MAP3K1: variants seen among roughly 807,000 people sequenced by gnomAD.
MAP3K1 encodes the protein mitogen-activated protein kinase kinase kinase 1, also known as MAP/ERK kinase kinase 1.
Under a neutral mutation model 144.2 loss-of-function variants are expected in MAP3K1, and 36 were observed. That is an observed-to-expected ratio of 0.25 (90% confidence interval 0.19 to 0.33). The LOEUF is 0.33. MAP3K1 is among the 10% of genes least tolerant of loss of function. MAP3K1 has a pLI of 1.00. For synonymous variants in MAP3K1, 718 were observed against 688.7 expected (o/e 1.04, Z -0.67); for missense variants, 1,650 against 1,881.9 (o/e 0.88, Z 2.28).
Position 56,893,854 on chromosome 5 carries a change from C to A in MAP3K1, c.*174C>A. 2.8e-6 allele frequency: 2 copies of A among 704,730 alleles called. No homozygotes were observed. The highest frequency in any genetic ancestry group is 1.7e-5 in the South Asian group (1 of 59,936). The allele number at this position is 704,730 out of a possible 1,614,324, so 43.7% of individuals were successfully genotyped here. The stretch of plus-strand genomic sequence containing the variant: ...TGACAAATCATGATCTGTACCTAAG[C>A]TCAGTATGCAAAAGCCCAAACTAGT... On this transcript the variant is annotated 3_prime_UTR_variant, in exon 20 of 20. Transcript: ENST00000399503.
chr5:56,887,547 CAG>C (rs946768950), intron 18 of MAP3K1, 27 bp downstream of exon 18: 1 of 1,613,514 alleles, frequency 6.2e-7, no homozygotes, highest in Non-Finnish European at 8.5e-7. Flanking sequence ...AGTGTGATGA[CAG>C]AAAATATTTT....
chr5:56,826,156 A>G (rs1746307553), intron 1 of MAP3K1, among the ~76,000 whole-genome samples: 1 of 151,746 alleles, frequency 6.6e-6, no homozygotes, highest in Admixed American at 6.6e-5. Flanking sequence ...CTCTATCTAG[A>G]ATACTCTTTC....
intron 9 of MAP3K1, among the ~76,000 whole-genome samples, chr5:56,873,880 G>A (rs1747936570): frequency 6.6e-6 from 1 of 152,050 alleles, no homozygotes; most frequent in South Asian, 2.1e-4. Context: ...ACACATTCTT[G>A]TACCTAGTTC....
At chr5:56,889,842 C>G (rs1379085779) in intron 19 of MAP3K1, among the ~76,000 whole-genome samples, 1 of 152,152 alleles carries the variant, frequency 6.6e-6, no homozygotes, top group Non-Finnish European at 1.5e-5. Context: ...ACACAGTCAG[C>G]TCCACCTGCC....
chr5:56,893,864 A>G lies in MAP3K1; in HGVS notation c.*184A>G. Reference sequence around the variant, plus strand: ...TGATCTGTACCTAAGCTCAGTATGCAAAAGCCCAAACTAGTGCAGAAACTG... The same window carrying G: ...TGATCTGTACCTAAGCTCAGTATGCGAAAGCCCAAACTAGTGCAGAAACTG... On this transcript the variant is annotated 3_prime_UTR_variant, in exon 20 of 20. Transcript: ENST00000399503. The G allele has an allele frequency of 3.0e-6, 2 of 658,676 alleles. No homozygotes were observed. The highest frequency in any genetic ancestry group is 5.3e-6 in the Non-Finnish European group (2 of 375,368). 40.8% of individuals were successfully genotyped at this position (658,676 alleles called of 1,614,324 possible). A position where few individuals can be genotyped will look rare whatever the true frequency, so the allele number is the denominator to read the frequency against.
At chr5:56,837,934 G>T (rs189072939) in intron 1 of MAP3K1, among the ~76,000 whole-genome samples, 1 of 152,106 alleles carries the variant, frequency 6.6e-6, no homozygotes, top group African/African-American at 2.4e-5. Flanking sequence ...TTCTCCAAGG[G>T]GACCCTAGAG....
intron 2 of MAP3K1, among the ~76,000 whole-genome samples, chr5:56,859,065 T>TAAAAAAAAAAAAAAAAAAA (rs34494768): frequency 8.0e-6 from 1 of 125,582 alleles, no homozygotes. Context: ...AAGCCTTAAT[T>TAAAAAAAAAAAAAAAAAAA]AAAAAAAAAA....
chr5:56,890,067 C>A (rs1748503635), intron 19 of MAP3K1, among the ~76,000 whole-genome samples: 2 of 152,130 alleles, frequency 1.3e-5, no homozygotes, highest in African/African-American at 4.8e-5. Flanking sequence ...ATTCTCATAG[C>A]ATTTTAGTAC....
chr5:56,828,385 C>T (rs1746383573), intron 1 of MAP3K1, among the ~76,000 whole-genome samples: 2 of 152,192 alleles, frequency 1.3e-5, no homozygotes, highest in Non-Finnish European at 2.9e-5. Flanking sequence ...GCTCTAGCAA[C>T]TCTCCAAAAA....
chr5:56,878,899 G>C (rs2111931900), intron 10 of MAP3K1, 81 bp from the exon 11 acceptor site: 3 of 1,258,688 alleles, frequency 2.4e-6, no homozygotes, highest in African/African-American at 2.9e-5. Flanking sequence ...TTATTTTGTT[G>C]CTCAAATTGT....
chr5:56,881,100 G>A lies in MAP3K1; in HGVS notation c.2197G>A (p.Gly733Ser). 6.2e-7 allele frequency: 1 copy of A among 1,612,366 alleles called. No individual in the cohort carries two copies. The highest frequency in any genetic ancestry group is 1.1e-5 in the South Asian group (1 of 91,004). ...TTTTGTAGGATCCATTGGTATTGGTGGTGTTGATTATGTCTTAAATTGTAT... is the reference window on the plus strand; with the variant it reads ...TTTTGTAGGATCCATTGGTATTGGTAGTGTTGATTATGTCTTAAATTGTAT... ...ILKAGSIGIG[G>S]VDYVLNCILG... Residue 733 changes from glycine (G) to serine (S), a missense_variant, in exon 13 of 20, where the codon GGT (glycine) becomes AGT (serine). By Grantham distance (56) the Gly-to-Ser change is moderately conservative (BLOSUM62 0). Transcript: ENST00000399503.
chr5:56,843,726 C>T (rs1011157939), intron 1 of MAP3K1, among the ~76,000 whole-genome samples: 2 of 152,142 alleles, frequency 1.3e-5, no homozygotes, highest in Admixed American at 6.5e-5. Flanking sequence ...CGAGACTACC[C>T]ATCTCGCTGG....
In MAP3K1 at chr5:56,882,854, T is replaced by C. The variant is rs769114439; in HGVS notation, c.3654T>C (p.Ile1218=). The C allele has an allele frequency of 5.6e-6, 9 of 1,609,224 alleles. No individual in the cohort carries two copies. Among genetic ancestry groups the C allele is most frequent in the East Asian group, 2.2e-5 (1 of 44,870 alleles). Reference sequence around the variant, plus strand: ...TTGAAAATGGAGAAGATATCATCATTATTCAACAGGATGTAAGTATAGATT... The same window carrying C: ...TTGAAAATGGAGAAGATATCATCATCATTCAACAGGATGTAAGTATAGATT... ...LQVENGEDII[I]IQQDTPETLP... Residue 1218 remains isoleucine, a synonymous_variant, in exon 14 of 20, where the codon ATT becomes ATC. Coordinates refer to ENST00000399503, the MANE Select transcript of MAP3K1 (RefSeq NM_005921.2).
rs1284602674 is a variant in MAP3K1, at chr5:56,815,822, A to T, written c.249A>T (p.Ser83=). 6 of 1,416,810 alleles carry T rather than the reference A, an allele frequency of 4.2e-6. No homozygotes were observed. The highest frequency in any genetic ancestry group is 4.6e-6 in the Non-Finnish European group (5 of 1,081,786). The allele number at this position is 1,416,810 out of a possible 1,614,324, so 87.8% of individuals were successfully genotyped here. Residue 83 remains serine (S), a synonymous_variant, in exon 1 of 20, where the codon TCA becomes TCT. Transcript: ENST00000399503. ...AGCAGCCGCTCTTCCTTGCCGCCTC[A>T]CCGCCGGCCTCCTCGACTTCCCCGT... is the stretch of plus-strand genomic sequence containing the variant. ...LPEQPLFLAA[S]PPASSTSPSP...
At chr5:56,829,795 A>G (rs1250536150) in intron 1 of MAP3K1, among the ~76,000 whole-genome samples, 3 of 152,184 alleles carry the variant, frequency 2.0e-5, no homozygotes, top group Non-Finnish European at 4.4e-5. Flanking sequence ...GATGGTGATA[A>G]CTGGCTGTAG....
rs79541402 is a variant in MAP3K1, at chr5:56,854,641, G to A, written c.483-1959G>A. ...AAGTGGAAAGGAAAGAGACACATTAGACTTTAAGGAGGCCATGCCATCCAG... is the reference window on the plus strand; with the variant it reads ...AAGTGGAAAGGAAAGAGACACATTAAACTTTAAGGAGGCCATGCCATCCAG... On this transcript the variant is annotated intron_variant, in intron 1 of 19. Coordinates refer to ENST00000399503, the MANE Select transcript of MAP3K1 (RefSeq NM_005921.2). 4.3e-3 allele frequency among the ~76,000 whole-genome samples: 649 copies of A among 152,272 alleles called. 4 individuals are homozygous for A. Among genetic ancestry groups the A allele is most frequent in the Non-Finnish European group, 7.1e-3 (484 of 68,022 alleles).
At chr5:56,848,046 C>T (rs769690477) in intron 1 of MAP3K1, among the ~76,000 whole-genome samples, 8 of 151,960 alleles carry the variant, frequency 5.3e-5, no homozygotes, top group Non-Finnish European at 1.0e-4. Context: ...CACTTTTCTT[C>T]TCTAAAGGGA....
At chr5:56,848,016 A>G (rs1747049739) in intron 1 of MAP3K1, among the ~76,000 whole-genome samples, 1 of 152,162 alleles carries the variant, frequency 6.6e-6, no homozygotes, top group Non-Finnish European at 1.5e-5. Flanking sequence ...TACAGTTAAT[A>G]TACATTTTTC....
chr5:56,874,579 C>G (rs1013462149), intron 9 of MAP3K1, among the ~76,000 whole-genome samples: 5 of 152,146 alleles, frequency 3.3e-5, no homozygotes, highest in Admixed American at 3.3e-4. Flanking sequence ...GAGAAATACT[C>G]TATATCTCTT....
Sources: gnomAD v4.1 joint callset for allele counts (sites outside exome capture counted in the v4.1 genomes callset) on GRCh38, gnomAD v4.1.1 for gene constraint, MANE v1.5 for transcripts, NCBI Gene and HGNC (gene_info 2026-07-23, HGNC 2026-07-21) for gene names.